Variants in PTPRM observed in about 807,000 individuals in gnomAD.
The protein encoded by PTPRM is receptor-type tyrosine-protein phosphatase mu.
PTPRM carries 47 observed loss-of-function variants against 186.7 expected under a neutral mutation model. The observed-to-expected ratio is 0.25, with a 90% CI of 0.20 to 0.32. The LOEUF (loss-of-function observed/expected upper bound fraction) is 0.32, where lower values mean the gene tolerates loss of function less well. Ranked by LOEUF, PTPRM falls within the 10% of genes least tolerant of loss-of-function variation. The pLI is 1.00. For synonymous variants in PTPRM, 668 were observed against 674.9 expected (o/e 0.99, Z 0.16); for missense variants, 1,494 against 1,865.0 (o/e 0.80, Z 3.66).
At chr18:7,643,955 G>A (rs988757336) in intron 1 of PTPRM, among the ~76,000 whole-genome samples, 1 of 152,048 alleles carries the variant, frequency 6.6e-6, no homozygotes, top group Non-Finnish European at 1.5e-5. Context: ...GTTTAAAGGG[G>A]AGAAAACTTG....
chr18:8,118,799 C>CAAAA (rs71354599), intron 13 of PTPRM, among the ~76,000 whole-genome samples: 33 of 119,386 alleles, frequency 2.8e-4, no homozygotes, highest in South Asian at 2.0e-3. Flanking sequence ...CATTCCATCT[C>CAAAA]AAAAAAAAAA....
At chr18:8,091,073 T>C (rs2090696336) in intron 11 of PTPRM, among the ~76,000 whole-genome samples, 1 of 152,190 alleles carries the variant, frequency 6.6e-6, no homozygotes, top group African/African-American at 2.4e-5. Context: ...CTAGTTGTTT[T>C]TCGGAGACTT....
intron 31 of PTPRM, among the ~76,000 whole-genome samples, chr18:8,393,723 G>A (rs1398101044): frequency 6.6e-6 from 1 of 152,170 alleles, no homozygotes; most frequent in East Asian, 1.9e-4. Flanking sequence ...ATAGTAAAAA[G>A]TTTTCTTTAA....
intron 14 of PTPRM, among the ~76,000 whole-genome samples, chr18:8,242,289 C>G (rs2094440624): frequency 6.6e-6 from 1 of 152,240 alleles, no homozygotes; most frequent in Non-Finnish European, 1.5e-5. Flanking sequence ...CTAATGATCT[C>G]AGTCCTCCAC....
chr18:8,345,083 A>C (rs1486737398), intron 23 of PTPRM, among the ~76,000 whole-genome samples: 1 of 152,232 alleles, frequency 6.6e-6, no homozygotes, highest in Non-Finnish European at 1.5e-5. Context: ...ACTGTGAATC[A>C]TAAAGTATCA....
chr18:7,787,985 A>T (rs2145169998), intron 2 of PTPRM, among the ~76,000 whole-genome samples: 1 of 152,300 alleles, frequency 6.6e-6, no homozygotes, highest in East Asian at 1.9e-4. Context: ...TCATGAAAAT[A>T]GTTTTGACCT....
chr18:7,736,329 A>AT (rs1279149625), intron 1 of PTPRM, among the ~76,000 whole-genome samples: 3 of 151,790 alleles, frequency 2.0e-5, no homozygotes, highest in Admixed American at 2.0e-4. Flanking sequence ...TTTTATTTTA[A>AT]TTTTTTTTGA....
intron 6 of PTPRM, among the ~76,000 whole-genome samples, chr18:7,951,624 C>A (rs967198947): frequency 7.2e-5 from 11 of 152,102 alleles, no homozygotes. Context: ...GGACTTATTT[C>A]CATTTCCGCA....
intron 3 of PTPRM, among the ~76,000 whole-genome samples, chr18:7,904,603 C>T (rs1218413209): frequency 6.6e-6 from 1 of 152,128 alleles, no homozygotes; most frequent in Non-Finnish European, 1.5e-5. Context: ...TTAATTTGCT[C>T]CTTTTTATTG....
At chr18:7,667,479 A>G (rs1397371850) in intron 1 of PTPRM, among the ~76,000 whole-genome samples, 2 of 152,194 alleles carry the variant, frequency 1.3e-5, no homozygotes, top group African/African-American at 2.4e-5. Context: ...CAGGCATTCT[A>G]GTTGAATTAT....
intron 22 of PTPRM, among the ~76,000 whole-genome samples, chr18:8,331,450 A>C (rs1268395507): frequency 2.0e-5 from 3 of 152,174 alleles, no homozygotes; most frequent in Non-Finnish European, 4.4e-5. Flanking sequence ...GCTCCCCACT[A>C]AAAGAAGATA....
rs180880575 is a variant in PTPRM, at chr18:8,312,416, C to T, written c.2843-2365C>T. 4.4e-4 allele frequency among the ~76,000 whole-genome samples: 67 copies of T among 152,168 alleles called. 3 individuals are homozygous for T. Among genetic ancestry groups the T allele is most frequent in the South Asian group, 8.3e-4 (4 of 4,812 alleles). On this transcript the variant is annotated intron_variant, in intron 20 of 32. Transcript: ENST00000580170. ...CACCATGAGGAAACATTCTGACTGC[C>T]GGTGAGTCTGTTCCTGGGGTTGCTG...
chr18:7,713,289 A>G (rs1290852391), intron 1 of PTPRM, among the ~76,000 whole-genome samples: 4 of 152,186 alleles, frequency 2.6e-5, no homozygotes. Context: ...ATTCAAGGAT[A>G]AATAAAATCC....
chr18:8,063,258 G>A (rs1467871076), intron 7 of PTPRM, among the ~76,000 whole-genome samples: 1 of 143,266 alleles, frequency 7.0e-6, no homozygotes, highest in African/African-American at 3.0e-5. Context: ...GACTCGGAAA[G>A]GGAACTCCCT....
intron 13 of PTPRM, among the ~76,000 whole-genome samples, chr18:8,127,419 T>C (rs1568386203): frequency 9.5e-5 from 1 of 10,510 alleles, no homozygotes; most frequent in African/African-American, 1.6e-4. Flanking sequence ...AGCTGTATTG[T>C]TTTTTTTTTT....
chr18:7,632,144 T>C (rs1334781607), intron 1 of PTPRM, among the ~76,000 whole-genome samples: 1 of 152,206 alleles, frequency 6.6e-6, no homozygotes. Context: ...TCGGATGATG[T>C]CAGAGGCCAA....
intron 14 of PTPRM, among the ~76,000 whole-genome samples, chr18:8,177,466 G>C (rs978048132): frequency 2.0e-5 from 3 of 152,246 alleles, no homozygotes; most frequent in Non-Finnish European, 2.9e-5. Context: ...GCTGGTTACA[G>C]CAGTGTTTCC....
chr18:7,676,647 G>GTA (rs2039344456), intron 1 of PTPRM, among the ~76,000 whole-genome samples: 1 of 142,202 alleles, frequency 7.0e-6, no homozygotes, highest in Non-Finnish European at 1.5e-5. Flanking sequence ...GTGTGTGTGT[G>GTA]TGTGTGTGTG....
chr18:7,588,199 G>A lies in PTPRM; in HGVS notation c.73+20308G>A, dbSNP rs907679035. Among the ~76,000 whole-genome samples the A allele has an allele frequency of 3.3e-5, 5 of 151,974 alleles. No homozygotes were observed. In the East Asian group the frequency reaches 5.8e-4, roughly 18 times the overall value. On this transcript the variant is annotated intron_variant, in intron 1 of 32. Coordinates refer to ENST00000580170, the MANE Select transcript of PTPRM (RefSeq NM_001105244.2). ...TGTATGACTGTTTATACTGAACTCC[G>A]GCATTTGACTTCTGAGAATAATTAA...
Sources: gnomAD v4.1 joint callset for allele counts (sites outside exome capture counted in the v4.1 genomes callset) on GRCh38, gnomAD v4.1.1 for gene constraint, MANE v1.5 for transcripts, NCBI Gene and HGNC (gene_info 2026-07-23, HGNC 2026-07-21) for gene names.